The following DNAH9 variants were observed in gnomAD, a reference collection of about 807,000 sequenced individuals.
DNAH9 encodes the protein dynein axonemal heavy chain 9.
A neutral mutation model predicts 471.6 loss-of-function variants in DNAH9; 345 were observed. The ratio of observed to expected loss-of-function variants is 0.73; its 90% CI spans 0.67 to 0.80. The LOEUF is 0.80. DNAH9 is among the 30% of genes least tolerant of loss of function. The pLI is 0.00. For missense variants in DNAH9, 5,407 were observed against 5,609.2 expected (o/e 0.96, Z 1.15); for synonymous variants, 2,093 against 2,123.6 (o/e 0.99, Z 0.40).
intron 66 of DNAH9, among the ~76,000 whole-genome samples, chr17:11,939,603 G>C (rs985490631): frequency 2.0e-5 from 3 of 152,190 alleles, no homozygotes; most frequent in African/African-American, 7.2e-5. Flanking sequence ...CCGCAGGTCA[G>C]CTCAAGATGA....
Position 11,834,840 on chromosome 17 carries a change from T to TCAC in DNAH9, c.9449_9450insCAC (p.Leu3150_Ala3151insThr). On this transcript the variant is annotated inframe_insertion, in exon 49 of 69. Coordinates refer to ENST00000262442, the MANE Select transcript of DNAH9 (RefSeq NM_001372.4). ...AAGCAGAAGGACTGTGAGGAGGACC[T>TCAC]GGCAAAGGCTGAGCCAGCACTCACA... 1 of 1,613,938 alleles carries TCAC rather than the reference T, an allele frequency of 6.2e-7. No individual in the cohort carries two copies.
chr17:11,722,613 C>T (rs140967831), intron 27 of DNAH9, among the ~76,000 whole-genome samples: 83 of 152,204 alleles, frequency 5.5e-4, no homozygotes, highest in African/African-American at 1.5e-3. Flanking sequence ...CCTTGCTATC[C>T]CCTCTGCCTT....
chr17:11,762,661 A>G (rs1169137927), intron 35 of DNAH9, among the ~76,000 whole-genome samples: 1 of 150,816 alleles, frequency 6.6e-6, no homozygotes, highest in Non-Finnish European at 1.5e-5. Context: ...TGGCCCCAGA[A>G]AAAGTGTTTT....
Position 11,697,874 on chromosome 17 carries a change from C to T in DNAH9, c.4873-1857C>T, listed in dbSNP as rs2074503732. ...TAGTCTCCTTACTTTATTTCTCTAC[C>T]TCTGCCAACTCATCTTTCACCACGT... On this transcript the variant is annotated intron_variant, in intron 22 of 68. Coordinates refer to ENST00000262442, the MANE Select transcript of DNAH9 (RefSeq NM_001372.4). Among the ~76,000 whole-genome samples the T allele has an allele frequency of 2.0e-5, 3 of 151,620 alleles. No individual in the cohort carries two copies. In the Admixed American group the frequency reaches 2.0e-4, roughly 10 times the overall value.
At chr17:11,953,776 A>T (rs1236529242) in intron 67 of DNAH9, 2 of 138,608 alleles carry the variant, frequency 1.4e-5, no homozygotes, top group African/African-American at 2.7e-5. Context: ...AAAAAAAAAA[A>T]TGTGATCAAT....
At chr17:11,844,972 G>A (rs534936331) in intron 49 of DNAH9, among the ~76,000 whole-genome samples, 1 of 150,522 alleles carries the variant, frequency 6.6e-6, no homozygotes, top group Non-Finnish European at 1.5e-5. Flanking sequence ...GTCTGTTCAT[G>A]TCCTTTGTCC....
Position 11,652,784 on chromosome 17 carries a change from A to G in DNAH9, c.2377A>G (p.Ile793Val). 6.2e-7 allele frequency: 1 copy of G among 1,613,624 alleles called. No individual in the cohort carries two copies. Among genetic ancestry groups the G allele is most frequent in the Non-Finnish European group, 8.5e-7 (1 of 1,179,758 alleles). The change falls in exon 14 of 69, where the codon ATC becomes GTC. Residue 793 changes from isoleucine to valine, a missense_variant. Ile to Val is a conservative substitution (Grantham distance 29). Around this residue, in one of 3 missense-constraint regions of DNAH9, gnomAD observed 4,636 missense variants for 4,900.3 expected, o/e 0.95. Transcript: ENST00000262442. Reference protein sequence around the residue: ...TEGICDYVTEITSSIHDLEQR... With the variant: ...TEGICDYVTEVTSSIHDLEQR... Reference sequence around the variant, plus strand: ...AGGCATTTGCGATTATGTCACTGAAATCACCAGTAGTATTCATGATCTTGA... The same window carrying G: ...AGGCATTTGCGATTATGTCACTGAAGTCACCAGTAGTATTCATGATCTTGA...
chr17:11,618,877 A>G (rs184404403), intron 5 of DNAH9, among the ~76,000 whole-genome samples: 1 of 152,312 alleles, frequency 6.6e-6, no homozygotes, highest in African/African-American at 2.4e-5. Flanking sequence ...CACCCAAACC[A>G]GGACCCCAAC....
intron 35 of DNAH9, among the ~76,000 whole-genome samples, chr17:11,760,293 A>G (rs926719584): frequency 6.6e-6 from 1 of 152,170 alleles, no homozygotes; most frequent in Admixed American, 6.5e-5. Flanking sequence ...CACTTGTCCC[A>G]TATATCCTTT....
At chr17:11,822,724 G>A in intron 47 of DNAH9, 77 bp from the exon 48 acceptor site, 1 of 1,586,482 alleles carries the variant, frequency 6.3e-7, no homozygotes, top group Non-Finnish European at 8.6e-7. Flanking sequence ...TGGAGGAATG[G>A]CTGGGGTGAG....
chr17:11,902,752 G>C lies in DNAH9; in HGVS notation c.11440G>C (p.Asp3814His), dbSNP rs761015091. The C allele has an allele frequency of 5.0e-6, 8 of 1,613,496 alleles. No individual in the cohort carries two copies. The highest frequency in any genetic ancestry group is 1.3e-5 in the African/African-American group (1 of 74,900). ...LSSMEEFSNLDRDIEGSAKSW... is the reference protein window; with the variant it reads ...LSSMEEFSNLHRDIEGSAKSW... ...ATCAATGGAAGAATTCTCTAATCTG[G>C]ATCGGGACATAGAGGGATCTGCTAA... Residue 3814 changes from aspartate to histidine, a missense_variant, in exon 60 of 69, where the codon GAT becomes CAT. This residue lies in a region of DNAH9 where 4,636 missense variants were observed against 4,900.3 expected (regional missense o/e 0.95). Transcript: ENST00000262442.
rs1489602689 is a variant in DNAH9 at position 11,873,873 on chromosome 17, ATTAAT to A, written c.10243-1072_10243-1068del. ...CCACTGAATTGTGCACTTTAAAATG[ATTAAT>A]TTATTTCATATCAATGTTACCTTAA... On this transcript the variant is annotated intron_variant, in intron 52 of 68. Transcript: ENST00000262442. 1.3e-5 allele frequency among the ~76,000 whole-genome samples: 2 copies of A among 152,120 alleles called. 1 individual carries two copies. The highest frequency in any genetic ancestry group is 1.3e-4 in the Admixed American group (2 of 15,262).
intron 61 of DNAH9, among the ~76,000 whole-genome samples, chr17:11,913,778 T>C (rs951612596): frequency 4.1e-5 from 6 of 146,832 alleles, no homozygotes; most frequent in Non-Finnish European, 7.5e-5. Flanking sequence ...TGAGACCCCG[T>C]CTCAAAAAAA....
chr17:11,949,275 C>T (rs1975266792), intron 67 of DNAH9, among the ~76,000 whole-genome samples: 1 of 152,128 alleles, frequency 6.6e-6, no homozygotes, highest in Non-Finnish European at 1.5e-5. Flanking sequence ...ATTGCAATGC[C>T]AAAACCGAGG....
chr17:11,684,233 G>C (rs779468862), intron 19 of DNAH9, among the ~76,000 whole-genome samples: 4 of 152,036 alleles, frequency 2.6e-5, no homozygotes, highest in Non-Finnish European at 5.9e-5. Context: ...GAATGTTCTC[G>C]TGTTTGAGGA....
rs540174570 is a variant in DNAH9, at chr17:11,696,234, C to T, written c.4872+1787C>T. On this transcript the variant is annotated intron_variant, in intron 22 of 68. Coordinates refer to ENST00000262442, the MANE Select transcript of DNAH9 (RefSeq NM_001372.4). ...TTCATACACAAAAGGTAGCATGCTA[C>T]GCCTACCTGTTTGCACTTTGCTTTT... 2.6e-5 allele frequency among the ~76,000 whole-genome samples: 4 copies of T among 152,302 alleles called. No homozygotes were observed. In the South Asian group the frequency reaches 6.2e-4, roughly 24 times the overall value.
In DNAH9 at chr17:11,768,466, G is replaced by A. The variant is rs776131763; in HGVS notation, c.7184G>A (p.Arg2395Gln). ...AMVQDQLVDY[R>Q]AEFSKWWLTE... Reference sequence around the variant, plus strand: ...TTGTTTTTGCAGCTTGTGGACTACCGGGCAGAGTTCAGCAAATGGTGGCTG... The same window carrying A: ...TTGTTTTTGCAGCTTGTGGACTACCAGGCAGAGTTCAGCAAATGGTGGCTG... The change falls in exon 37 of 69, where the codon CGG becomes CAG. Residue 2395 changes from arginine to glutamine, a missense_variant. Transcript: ENST00000262442. 1.5e-5 allele frequency: 25 copies of A among 1,613,676 alleles called. No individual in the cohort carries two copies. The highest frequency in any genetic ancestry group is 1.3e-4 in the Admixed American group (8 of 59,992).
chr17:11,967,548 T>C (rs890386686), intron 68 of DNAH9, among the ~76,000 whole-genome samples: 1 of 152,106 alleles, frequency 6.6e-6, no homozygotes, highest in Non-Finnish European at 1.5e-5. Flanking sequence ...AAAAAAGACA[T>C]ATAGAAAACG....
At chr17:11,703,136 G>A (rs1254371858) in intron 24 of DNAH9, among the ~76,000 whole-genome samples, 1 of 151,698 alleles carries the variant, frequency 6.6e-6, no homozygotes, top group African/African-American at 2.4e-5. Flanking sequence ...CACAGTGAAT[G>A]TGTGTGAATA....
Sources: gnomAD v4.1 joint callset for allele counts (sites outside exome capture counted in the v4.1 genomes callset) on GRCh38, gnomAD v4.1.1 for gene constraint, gnomAD v4.1.1 regional missense constraint, MANE v1.5 for transcripts, NCBI Gene and HGNC (gene_info 2026-07-23, HGNC 2026-07-21) for gene names.